Variants in CDCP1 observed in about 807,000 individuals in gnomAD.
The protein encoded by CDCP1 is CUB domain containing protein 1.
Under a neutral mutation model 60.2 loss-of-function variants are expected in CDCP1, and 29 were observed. The ratio of observed to expected loss-of-function variants is 0.48; its 90% CI spans 0.36 to 0.66. CDCP1 has a LOEUF of 0.66. CDCP1 is among the 30% of genes least tolerant of loss of function. The probability of loss-of-function intolerance (pLI) is 0.00; values close to 1 mark genes in which losing one functional copy is unlikely to be tolerated. For synonymous variants in CDCP1, 387 were observed against 431.1 expected (o/e 0.90, Z 1.27); for missense variants, 876 against 1,074.3 (o/e 0.82, Z 2.58).
intron 2 of CDCP1, among the ~76,000 whole-genome samples, chr3:45,113,242 C>T (rs1436660848): frequency 3.9e-5 from 6 of 152,186 alleles, no homozygotes; most frequent in African/African-American, 1.2e-4. Flanking sequence ...TGGAATCTGG[C>T]GGCGCCATTT....
intron 7 of CDCP1, among the ~76,000 whole-genome samples, chr3:45,090,970 G>A (rs1274388769): frequency 2.0e-5 from 3 of 152,188 alleles, no homozygotes; most frequent in South Asian, 2.1e-4. Flanking sequence ...CCCAGCCAAC[G>A]TTGGAGCAAT....
chr3:45,090,240 T>C (rs536482913), intron 7 of CDCP1, among the ~76,000 whole-genome samples: 66 of 152,302 alleles, frequency 4.3e-4, no homozygotes, highest in Non-Finnish European at 8.2e-4. Context: ...CCACAGTCCC[T>C]TCTGATTCTG....
intron 1 of CDCP1, among the ~76,000 whole-genome samples, chr3:45,128,999 G>C (rs944634941): frequency 1.6e-4 from 25 of 152,386 alleles, no homozygotes; most frequent in African/African-American, 5.3e-4. Flanking sequence ...TTACAGGCGT[G>C]AGACACTGTG....
chr3:45,121,605 C>T (rs1698884946), intron 1 of CDCP1, among the ~76,000 whole-genome samples: 1 of 151,826 alleles, frequency 6.6e-6, no homozygotes, highest in Non-Finnish European at 1.5e-5. Flanking sequence ...TTTAAAAATT[C>T]CTGCCCCTAT....
intron 4 of CDCP1, among the ~76,000 whole-genome samples, chr3:45,104,561 G>A (rs770730272): frequency 2.6e-5 from 4 of 152,202 alleles, no homozygotes; most frequent in Non-Finnish European, 5.9e-5. Flanking sequence ...TGAGGTCTGT[G>A]TGCTTTGACA....
chr3:45,102,272 T>C (rs970149671), intron 4 of CDCP1, among the ~76,000 whole-genome samples: 1 of 152,018 alleles, frequency 6.6e-6, no homozygotes, highest in African/African-American at 2.4e-5. Flanking sequence ...GGTTTCACCA[T>C]GTTGGCCAGG....
chr3:45,085,854 G>A lies in CDCP1; in HGVS notation c.2295C>T (p.Phe765=). ...GAGGACAGACCCCCATGGTGCCCTG[G>A]AACGGCCGGTAGGTGTCCACCTCTG... ...LQPEVDTYRP[F]QGTMGVCPPS... The change falls in exon 9 of 9, where the codon TTC becomes TTT. Residue 765 remains phenylalanine, a synonymous_variant. Coordinates refer to ENST00000296129, the MANE Select transcript of CDCP1 (RefSeq NM_022842.5). This position sits in a 1 kb window ranked among gnomAD's most constrained non-coding sequence, Gnocchi z 4.2. 6.2e-7 allele frequency: 1 copy of A among 1,614,152 alleles called. No individual in the cohort carries two copies. The highest frequency in any genetic ancestry group is 8.5e-7 in the Non-Finnish European group (1 of 1,180,028).
At chr3:45,134,346 G>A (rs370423150) in intron 1 of CDCP1, among the ~76,000 whole-genome samples, 33 of 151,966 alleles carry the variant, frequency 2.2e-4, no homozygotes, top group East Asian at 5.9e-4. Context: ...GGATGGTCTC[G>A]ATCTCCTGAC....
chr3:45,091,867 A>G lies in CDCP1; in HGVS notation c.1628-329T>C, dbSNP rs553139924. On this transcript the variant is annotated intron_variant, in intron 6 of 8. Transcript: ENST00000296129. This position sits in a 1 kb window ranked among gnomAD's most constrained non-coding sequence, Gnocchi z 4.8. ...AGTGGCACGATCTCGGCTCACTGCA[A>G]ACTGCAACCTCCACCTCTCAGGTTC... is the stretch of plus-strand genomic sequence containing the variant. 6.6e-6 allele frequency among the ~76,000 whole-genome samples: 1 copy of G among 152,230 alleles called. No homozygotes were observed. The highest frequency in any genetic ancestry group is 1.9e-4 in the East Asian group (1 of 5,170).
chr3:45,113,991 C>T (rs916553270), intron 2 of CDCP1, among the ~76,000 whole-genome samples: 2 of 152,204 alleles, frequency 1.3e-5, no homozygotes, highest in Admixed American at 1.3e-4. Context: ...CTTGTGGAAA[C>T]ATTTAACTCT....
Position 45,091,948 on chromosome 3 carries a change from C to A in CDCP1, c.1628-410G>T, listed in dbSNP as rs1576077766. Among the ~76,000 whole-genome samples the A allele has an allele frequency of 6.6e-6, 1 of 152,276 alleles. No homozygotes were observed. Among genetic ancestry groups the A allele is most frequent in the African/African-American group, 2.4e-5 (1 of 41,562 alleles). The stretch of plus-strand genomic sequence containing the variant: ...AGCTAGGACTACAGGCATGAGCCAC[C>A]ATGACCGGCTAATTTTTTGTATTTT... On this transcript the variant is annotated intron_variant, in intron 6 of 8. Coordinates refer to ENST00000296129, the MANE Select transcript of CDCP1 (RefSeq NM_022842.5). The surrounding 1 kb of genome is among the most constrained non-coding windows in gnomAD (Gnocchi z 4.8).
At chr3:45,100,676 T>A (rs575343583) in intron 4 of CDCP1, among the ~76,000 whole-genome samples, 1 of 152,206 alleles carries the variant, frequency 6.6e-6, no homozygotes, top group Non-Finnish European at 1.5e-5. Context: ...TACAAAAAAA[T>A]TGTACCTTAA....
intron 1 of CDCP1, among the ~76,000 whole-genome samples, chr3:45,137,652 C>CAA (rs55725243): frequency 0.2 from 23,381 of 117,950 alleles, 3,664 homozygotes; most frequent in African/African-American, 0.42. Context: ...ATTAAAAATA[C>CAA]AAAAAAAAAA....
In CDCP1 at chr3:45,118,588, T is replaced by C; in HGVS notation, c.116A>G (p.Asn39Ser). Residue 39 changes from asparagine (N) to serine (S), a missense_variant, in exon 2 of 9, where the codon AAC (asparagine) becomes AGC (serine). By Grantham distance (46) the Asn-to-Ser change is conservative. Coordinates refer to ENST00000296129, the MANE Select transcript of CDCP1 (RefSeq NM_022842.5). ...CCCCAGCTTTATGAGAACTGTAATG[T>C]TGCTTTCTCGTGGCAGAGCAATCTC... is the stretch of plus-strand genomic sequence containing the variant. ...AFEIALPRES[N>S]ITVLIKLGTP... 6.2e-7 allele frequency: 1 copy of C among 1,614,056 alleles called. No individual in the cohort carries two copies. The highest frequency in any genetic ancestry group is 8.5e-7 in the Non-Finnish European group (1 of 1,180,044).
intron 2 of CDCP1, among the ~76,000 whole-genome samples, chr3:45,115,618 T>C (rs6441889): frequency 0.078 from 11,928 of 152,276 alleles, 815 homozygotes; most frequent in East Asian, 0.36. Flanking sequence ...CTGTAAAAGC[T>C]TCATTAAAAT....
intron 1 of CDCP1, among the ~76,000 whole-genome samples, chr3:45,124,529 A>G (rs1041483767): frequency 2.0e-5 from 3 of 152,186 alleles, no homozygotes; most frequent in Non-Finnish European, 4.4e-5. Context: ...AGGCAGACTC[A>G]GAAACCAAGA....
At chr3:45,110,120 G>GT in intron 4 of CDCP1, 7 of 920,326 alleles carry the variant, frequency 7.6e-6, no homozygotes, top group Non-Finnish European at 9.6e-6. Flanking sequence ...CCATAAAACT[G>GT]TAAGTTCCCA....
intron 1 of CDCP1, among the ~76,000 whole-genome samples, chr3:45,123,476 T>C (rs1698921186): frequency 6.6e-6 from 1 of 152,194 alleles, no homozygotes; most frequent in Non-Finnish European, 1.5e-5. Context: ...TATTATAGGC[T>C]CTTTTCTAGG....
chr3:45,094,926 C>T (rs1359662002), intron 5 of CDCP1, among the ~76,000 whole-genome samples: 1 of 151,200 alleles, frequency 6.6e-6, no homozygotes, highest in African/African-American at 2.4e-5. Flanking sequence ...CCTTGCTCAC[C>T]TGCACTGTGG....
Sources: gnomAD v4.1 joint callset for allele counts (sites outside exome capture counted in the v4.1 genomes callset) on GRCh38, gnomAD v4.1.1 for gene constraint, Gnocchi (gnomAD v3.1) non-coding constraint, MANE v1.5 for transcripts, NCBI Gene and HGNC (gene_info 2026-07-23, HGNC 2026-07-21) for gene names.